The following NR3C1 variants were observed in gnomAD, a reference collection of about 807,000 sequenced individuals.
NR3C1 encodes nuclear receptor subfamily 3 group C member 1, also known as glucocorticoid receptor.
A neutral mutation model predicts 74.0 loss-of-function variants in NR3C1; 14 were observed. The observed-to-expected ratio is 0.19, with a 90% CI of 0.12 to 0.30. NR3C1 has a LOEUF of 0.30. Among genes scored for constraint, NR3C1 ranks in the 10% least tolerant of loss-of-function variants. NR3C1 has a pLI of 1.00. For synonymous variants in NR3C1, 308 were observed against 332.5 expected, an observed-to-expected ratio of 0.93 and a Z score of 0.80; for missense variants, 695 against 909.8, an observed-to-expected ratio of 0.76 and a Z score of 3.04.
chr5:143,434,858 A>C (rs745780269), exon 1 of NR3C1: 2 of 985,422 alleles, frequency 2.0e-6, no homozygotes, highest in Non-Finnish European at 2.4e-6. Flanking sequence ...CCAGCTACAC[A>C]ACTCTTGATG....
chr5:143,282,759 T>C, intron 7 of NR3C1, 34 bp from the exon 8 acceptor site: 1 of 1,597,788 alleles, frequency 6.3e-7, no homozygotes. Context: ...TTAAAGGATT[T>C]TCTTTTTCTT....
intron 2 of NR3C1, among the ~76,000 whole-genome samples, chr5:143,360,411 C>T (rs1345862196): frequency 6.6e-6 from 1 of 152,058 alleles, no homozygotes; most frequent in African/African-American, 2.4e-5. Flanking sequence ...GGACTTGAGA[C>T]AGCTTTAAAA....
chr5:143,404,295 G>T, upstream of NR3C1: 1 of 985,628 alleles, frequency 1.0e-6, no homozygotes, highest in Non-Finnish European at 1.2e-6. Flanking sequence ...TCTCGGCCGC[G>T]CTCGGGGCCG....
At chr5:143,295,246 T>A in intron 7 of NR3C1, 1 of 985,196 alleles carries the variant, frequency 1.0e-6, no homozygotes, top group Non-Finnish European at 1.2e-6. Context: ...GCAGCTCATA[T>A]ACCTCTCTGT....
intron 2 of NR3C1, among the ~76,000 whole-genome samples, chr5:143,366,657 AT>A (rs1308340040): frequency 2.0e-5 from 3 of 152,216 alleles, no homozygotes; most frequent in Non-Finnish European, 4.4e-5. Flanking sequence ...CAGCAAAAAA[AT>A]AAGATTATAA....
intron 4 of NR3C1, among the ~76,000 whole-genome samples, chr5:143,305,438 T>A (rs1561520396): frequency 6.6e-6 from 1 of 152,116 alleles, no homozygotes; most frequent in Non-Finnish European, 1.5e-5. Flanking sequence ...AAAAGACACA[T>A]GTACCCATAT....
intron 2 of NR3C1, among the ~76,000 whole-genome samples, chr5:143,348,698 G>A (rs1027016809): frequency 1.3e-5 from 2 of 152,096 alleles, no homozygotes; most frequent in African/African-American, 2.4e-5. Flanking sequence ...TGTACCTTAC[G>A]AAGAAAGTAC....
intron 1 of NR3C1, among the ~76,000 whole-genome samples, chr5:143,427,117 T>C (rs908665831): frequency 1.3e-5 from 2 of 152,186 alleles, no homozygotes; most frequent in Admixed American, 1.3e-4. Flanking sequence ...TATTTCTAAT[T>C]CTAGAGGAAG....
intron 3 of NR3C1, among the ~76,000 whole-genome samples, chr5:143,312,838 C>G (rs1035042699): frequency 6.6e-6 from 1 of 152,090 alleles, no homozygotes; most frequent in Non-Finnish European, 1.5e-5. Context: ...CTGTCTTCTG[C>G]GTATGTGTTA....
intron 2 of NR3C1, among the ~76,000 whole-genome samples, chr5:143,334,707 T>A (rs1478950717): frequency 6.6e-6 from 1 of 150,966 alleles, no homozygotes; most frequent in Non-Finnish European, 1.5e-5. Flanking sequence ...AAAATAAATG[T>A]TCACTTGTCT....
At chr5:143,306,372 T>C (rs1198781860) in intron 4 of NR3C1, among the ~76,000 whole-genome samples, 1 of 151,214 alleles carries the variant, frequency 6.6e-6, no homozygotes, top group Non-Finnish European at 1.5e-5. Context: ...AAAAAAAAAG[T>C]GTGAAACACA....
At chr5:143,296,332 AG>A (rs751703481) in intron 6 of NR3C1, among the ~76,000 whole-genome samples, 6 of 151,978 alleles carry the variant, frequency 3.9e-5, no homozygotes, top group Non-Finnish European at 7.4e-5. Flanking sequence ...AACAACAGAA[AG>A]GTTATTATTT....
chr5:143,322,184 A>C (rs1256756506), intron 2 of NR3C1, among the ~76,000 whole-genome samples: 2 of 152,204 alleles, frequency 1.3e-5, no homozygotes, highest in East Asian at 3.8e-4. Flanking sequence ...TACTATTTTC[A>C]GCATTTACAG....
At chr5:143,386,513 T>C (rs1374067393) in intron 2 of NR3C1, among the ~76,000 whole-genome samples, 2 of 152,156 alleles carry the variant, frequency 1.3e-5, no homozygotes, top group African/African-American at 4.8e-5. Flanking sequence ...GGGTATAAGA[T>C]AATCCCATTC....
At chr5:143,376,360 C>T (rs1835187779) in intron 2 of NR3C1, among the ~76,000 whole-genome samples, 1 of 152,230 alleles carries the variant, frequency 6.6e-6, no homozygotes, top group African/African-American at 2.4e-5. Context: ...AGGGCTAGGA[C>T]ATTCAGAGCA....
chr5:143,295,272 T>C lies in NR3C1; in HGVS notation c.2023+188A>G, dbSNP rs569869528. 21 of 985,360 alleles carry C rather than the reference T, an allele frequency of 2.1e-5. No individual in the cohort carries two copies. The African/African-American group carries it at 3.5e-4, about 16-fold the overall frequency. 61.0% of individuals were successfully genotyped at this position (985,360 alleles called of 1,614,324 possible). A position where few individuals can be genotyped will look rare whatever the true frequency, so the allele number is the denominator to read the frequency against. On this transcript the variant is annotated intron_variant, in intron 7 of 8. Transcript: ENST00000394464. ...ACCTCTCTGTTTCTGCCATACCTAT[T>C]TGTCTTATTAATCTTGGTGTCACTT...
chr5:143,401,130 C>A (rs4582314), intron 1 of NR3C1: 235,488 of 453,018 alleles, frequency 0.52, 63,375 homozygotes, highest in East Asian at 0.78. Context: ...CATCCTGCCG[C>A]TCACTGAACG....
chr5:143,321,584 G>T (rs1823391293), intron 2 of NR3C1, among the ~76,000 whole-genome samples: 1 of 152,076 alleles, frequency 6.6e-6, no homozygotes, highest in Admixed American at 6.5e-5. Flanking sequence ...AATCTGAAGG[G>T]CTCCTCCACT....
chr5:143,343,580 A>C (rs1000309993), intron 2 of NR3C1, among the ~76,000 whole-genome samples: 3 of 152,234 alleles, frequency 2.0e-5, no homozygotes, highest in Non-Finnish European at 4.4e-5. Context: ...ATAACTAGCC[A>C]TTAGTGGAGT....
Sources: allele counts gnomAD v4.1 joint callset (sites outside exome capture counted in the v4.1 genomes callset), GRCh38; gene constraint gnomAD v4.1.1; transcripts MANE v1.5; gene names NCBI Gene and HGNC (gene_info 2026-07-23, HGNC 2026-07-21).